DIAPH2: variants seen among roughly 807,000 people sequenced by gnomAD.
DIAPH2 encodes the protein protein diaphanous homolog 2.
In DIAPH2, 35 loss-of-function variants were observed where a neutral mutation model predicts 92.7. The observed-to-expected ratio is 0.38, with a 90% CI of 0.29 to 0.50. The LOEUF (loss-of-function observed/expected upper bound fraction) is 0.50. Ranked by LOEUF, DIAPH2 falls within the 20% of genes least tolerant of loss-of-function variation. The pLI is 0.94. For missense variants in DIAPH2, 701 were observed against 819.5 expected (o/e 0.86, Z 1.77); for synonymous variants, 301 against 280.4 (o/e 1.07, Z -0.73).
intron 24 of DIAPH2, among the ~76,000 whole-genome samples, chrX:97,367,436 G>T: frequency 9.0e-6 from 1 of 111,606 alleles, no homozygotes; most frequent in African/African-American, 3.3e-5. Context: ...TTTCCAGTTT[G>T]GAAAAGAGGA....
intron 5 of DIAPH2, among the ~76,000 whole-genome samples, chrX:96,910,574 C>A (rs1456414030): frequency 9.0e-6 from 1 of 110,949 alleles, no homozygotes; most frequent in African/African-American, 3.3e-5. Flanking sequence ...GTTATTATTT[C>A]ACATAAGTCT....
chrX:96,795,715 C>G (rs751600460), intron 4 of DIAPH2, among the ~76,000 whole-genome samples: 1 of 111,523 alleles, frequency 9.0e-6, no homozygotes, highest in Admixed American at 9.5e-5. Context: ...TGGTCATATT[C>G]GTTGTCCTGA....
intron 26 of DIAPH2, among the ~76,000 whole-genome samples, chrX:97,578,093 CTTTT>C (rs201313921): frequency 6.6e-5 from 6 of 90,787 alleles, no homozygotes; most frequent in Admixed American, 1.2e-4. Flanking sequence ...TGTTTTCTTT[CTTTT>C]TTTTTTTTTT....
chrX:97,107,110 G>C (rs1416556405), intron 20 of DIAPH2, among the ~76,000 whole-genome samples: 8 of 112,060 alleles, frequency 7.1e-5, no homozygotes, highest in Non-Finnish European at 1.5e-4. Flanking sequence ...TTGATGGGTA[G>C]TTTCCACATA....
intron 23 of DIAPH2, among the ~76,000 whole-genome samples, chrX:97,305,948 T>G (rs932473483): frequency 3.6e-5 from 4 of 110,268 alleles, no homozygotes; most frequent in African/African-American, 1.3e-4. Flanking sequence ...GAGCTGCTTT[T>G]AACAACCTCA....
chrX:96,758,816 T>C (rs1040753321), intron 4 of DIAPH2, among the ~76,000 whole-genome samples: 1 of 111,597 alleles, frequency 9.0e-6, no homozygotes, highest in Non-Finnish European at 1.9e-5. Flanking sequence ...TCAAATCTGT[T>C]TGTGAGTCCC....
intron 26 of DIAPH2, among the ~76,000 whole-genome samples, chrX:97,536,128 G>A (rs1234961472): frequency 8.9e-6 from 1 of 112,483 alleles, no homozygotes; most frequent in Admixed American, 9.4e-5. Context: ...AGAGGAAGAT[G>A]CAGGTAAGTA....
chrX:97,329,005 A>G (rs1306774513), intron 23 of DIAPH2, among the ~76,000 whole-genome samples: 1 of 112,133 alleles, frequency 8.9e-6, no homozygotes, highest in Admixed American at 9.5e-5. Flanking sequence ...CATGATAAAA[A>G]TGATACTGTA....
chrX:97,468,436 T>C (rs1419369846), intron 26 of DIAPH2, among the ~76,000 whole-genome samples: 1 of 111,707 alleles, frequency 9.0e-6, no homozygotes, highest in Non-Finnish European at 1.9e-5. Flanking sequence ...CAGAAACTAC[T>C]ATATGAATCT....
chrX:97,472,939 T>C (rs2070574639), intron 26 of DIAPH2, among the ~76,000 whole-genome samples: 1 of 112,174 alleles, frequency 8.9e-6, no homozygotes, highest in South Asian at 3.7e-4. Context: ...TCCTGGTTTA[T>C]GTTATTTCTC....
chrX:97,257,352 T>A (rs757298092), intron 23 of DIAPH2, among the ~76,000 whole-genome samples: 6 of 111,662 alleles, frequency 5.4e-5, no homozygotes, highest in African/African-American at 9.8e-5. Context: ...TTTGCAAAGA[T>A]CATCAGTGAG....
At chrX:97,025,827 A>T (rs1216891564) in intron 17 of DIAPH2, among the ~76,000 whole-genome samples, 1 of 112,259 alleles carries the variant, frequency 8.9e-6, no homozygotes, top group African/African-American at 3.2e-5. Context: ...AGTTTCAGCC[A>T]TCTTTCTCCT....
chrX:96,808,505 T>A (rs926411674), intron 4 of DIAPH2, among the ~76,000 whole-genome samples: 4 of 112,083 alleles, frequency 3.6e-5, no homozygotes, highest in African/African-American at 1.3e-4. Context: ...AAAAAATGTA[T>A]GCACATCACA....
At chrX:96,758,295 G>A (rs760751479) in intron 4 of DIAPH2, 37 bp downstream of exon 4, 2 of 1,116,029 alleles carry the variant, frequency 1.8e-6, no homozygotes, top group East Asian at 3.0e-5. Context: ...AACAGAATGA[G>A]CAATGAGCTT....
intron 4 of DIAPH2, among the ~76,000 whole-genome samples, chrX:96,840,315 T>C (rs1013606170): frequency 1.6e-4 from 18 of 111,721 alleles, no homozygotes; most frequent in African/African-American, 5.9e-4. Flanking sequence ...TATCAAGTGG[T>C]GCATACTTCC....
intron 26 of DIAPH2, among the ~76,000 whole-genome samples, chrX:97,515,667 A>T (rs989102214): frequency 9.0e-6 from 1 of 111,219 alleles, no homozygotes; most frequent in African/African-American, 3.3e-5. Flanking sequence ...GTGTTTTCTG[A>T]TTCTTTTCTG....
At chrX:97,475,906 A>G (rs775880952) in intron 26 of DIAPH2, among the ~76,000 whole-genome samples, 3 of 112,280 alleles carry the variant, frequency 2.7e-5, no homozygotes, top group East Asian at 5.6e-4. Context: ...CCTGAAGTGA[A>G]CAACATAACC....
At chrX:96,776,476 G>T (rs773733442) in intron 4 of DIAPH2, among the ~76,000 whole-genome samples, 1 of 110,458 alleles carries the variant, frequency 9.1e-6, no homozygotes, top group East Asian at 2.8e-4. Context: ...CTCCCAACGT[G>T]CTGGGATTAC....
chrX:97,024,858 G>A (rs1218493663), intron 17 of DIAPH2, among the ~76,000 whole-genome samples: 1 of 111,848 alleles, frequency 8.9e-6, no homozygotes, highest in African/African-American at 3.3e-5. Context: ...TTCTTAAGAA[G>A]GCTAATAGGC....
Sources: allele counts gnomAD v4.1 joint callset (sites outside exome capture counted in the v4.1 genomes callset), GRCh38; gene constraint gnomAD v4.1.1; transcripts MANE v1.5; gene names NCBI Gene and HGNC (gene_info 2026-07-23, HGNC 2026-07-21).